Variants in MMP15 observed in about 807,000 individuals in gnomAD.
The protein encoded by MMP15 is matrix metallopeptidase 15, also known as matrix metalloproteinase-15.
Under a neutral mutation model 65.0 loss-of-function variants are expected in MMP15, and 36 were observed. That is an observed-to-expected ratio of 0.55 (90% CI 0.42 to 0.73). The LOEUF is 0.73. MMP15 is among the 30% of genes least tolerant of loss of function. The pLI is 0.00. For missense variants in MMP15, 870 were observed against 987.8 expected, an observed-to-expected ratio of 0.88 and a Z score of 1.60; for synonymous variants, 428 against 410.2, an observed-to-expected ratio of 1.04 and a Z score of -0.52.
At chr16:58,037,437 C>G (rs746363724) in intron 1 of MMP15, 35 bp from the exon 2 acceptor site, 87 of 1,607,724 alleles carry the variant, frequency 5.4e-5, no homozygotes, top group Admixed American at 2.7e-4. Context: ...GTAGCAGTGC[C>G]AGGACCTGCT....
Position 58,038,309 on chromosome 16 carries a change from G to T in MMP15, c.355G>T (p.Val119Leu). 6.2e-7 allele frequency: 1 copy of T among 1,614,074 alleles called. No individual in the cohort carries two copies. The highest frequency in any genetic ancestry group is 1.1e-5 in the South Asian group (1 of 91,092). The change falls in exon 3 of 10, where the codon GTA (valine) becomes TTA (leucine). Residue 119 changes from valine (V) to leucine (L), a missense_variant. Val to Leu is a conservative substitution (Grantham distance 32). Coordinates refer to ENST00000219271, the MANE Select transcript of MMP15 (RefSeq NM_002428.4). ...CTGTGGGGTGCCAGACCAGTTCGGG[G>T]TACGAGTGAAAGCCAACCTGCGGCG... Reference protein sequence around the residue: ...PRCGVPDQFGVRVKANLRRRR... With the variant: ...PRCGVPDQFGLRVKANLRRRR...
chr16:58,041,085 GT>G (rs1457311009), intron 5 of MMP15, among the ~76,000 whole-genome samples: 3 of 152,328 alleles, frequency 2.0e-5, no homozygotes, highest in African/African-American at 7.2e-5. Context: ...AGTGCTGCTG[GT>G]TTGTCACTTC....
chr16:58,043,243 T>A lies in MMP15; in HGVS notation c.1337T>A (p.Leu446Gln), dbSNP rs1285772154. Residue 446 changes from leucine to glutamine, a missense_variant, in exon 8 of 10, where the codon CTG becomes CAG. Leu to Gln is a moderately radical substitution (Grantham distance 113). Coordinates refer to ENST00000219271, the MANE Select transcript of MMP15 (RefSeq NM_002428.4). Reference protein sequence around the residue: ...DRYWLFREANLEPGYPQPLTS... With the variant: ...DRYWLFREANQEPGYPQPLTS... The stretch of plus-strand genomic sequence containing the variant: ...TACTGGCTCTTTCGAGAAGCGAACC[T>A]GGAGCCCGGCTACCCACAGCCGCTG... The A allele has an allele frequency of 6.2e-6, 10 of 1,601,268 alleles. No homozygotes were observed. Among genetic ancestry groups the A allele is most frequent in the African/African-American group, 1.3e-5 (1 of 74,798 alleles).
chr16:58,032,013 G>A (rs770661223), intron 1 of MMP15, among the ~76,000 whole-genome samples: 21 of 151,740 alleles, frequency 1.4e-4, no homozygotes, highest in Non-Finnish European at 2.6e-4. Context: ...GACTACAGGC[G>A]CTGCCACCAC....
intron 3 of MMP15, among the ~76,000 whole-genome samples, chr16:58,039,298 G>A (rs1959399054): frequency 6.6e-6 from 1 of 152,236 alleles, no homozygotes. Flanking sequence ...CAGGTGTGGT[G>A]GTGCATGCCT....
chr16:58,038,210 C>T, intron 2 of MMP15, 56 bp from the exon 3 acceptor site: 7 of 1,593,804 alleles, frequency 4.4e-6, no homozygotes, highest in Non-Finnish European at 5.1e-6. Context: ...AGTGCCAGAA[C>T]AGGCAGGTGT....
Position 58,042,252 on chromosome 16 carries a change from C to T in MMP15, c.1186C>T (p.Arg396Trp), listed in dbSNP as rs776535024. 21 of 1,613,978 alleles carry T rather than the reference C, an allele frequency of 1.3e-5. No individual in the cohort carries two copies. The highest frequency in any genetic ancestry group is 4.0e-5 in the African/African-American group (3 of 74,952). ...VFKGRWFWRV[R>W]HNRVLDNYPM... Reference sequence around the variant, plus strand: ...CCAGGGCCGCTGGTTCTGGCGAGTCCGGCACAACCGCGTCCTGGACAACTA... The same window carrying T: ...CCAGGGCCGCTGGTTCTGGCGAGTCTGGCACAACCGCGTCCTGGACAACTA... The change falls in exon 7 of 10, where the codon CGG (arginine) becomes TGG (tryptophan). Residue 396 changes from arginine to tryptophan, a missense_variant. Physicochemically the swap from Arg to Trp is moderately radical, Grantham distance 101. Transcript: ENST00000219271.
At chr16:58,027,829 A>G (rs1409142186) in intron 1 of MMP15, among the ~76,000 whole-genome samples, 1 of 152,180 alleles carries the variant, frequency 6.6e-6, no homozygotes, top group Admixed American at 6.5e-5. Context: ...GGGAGGCAGG[A>G]TAGGAGCCCC....
At chr16:58,031,853 CTTTTTTTTTTTTTTTT>C (rs749779284) in intron 1 of MMP15, among the ~76,000 whole-genome samples, 31 of 57,750 alleles carry the variant, frequency 5.4e-4, no homozygotes, top group Non-Finnish European at 7.1e-4. Flanking sequence ...TCGATGCCGC[CTTTTTTTTTTTTTTTT>C]TTTTTTTTTT....
At chr16:58,041,203 T>G (rs1402751573) in intron 5 of MMP15, among the ~76,000 whole-genome samples, 1 of 152,130 alleles carries the variant, frequency 6.6e-6, no homozygotes, top group Non-Finnish European at 1.5e-5. Flanking sequence ...CTGCACTCTG[T>G]GCCCACACCG....
chr16:58,045,393 G>C lies in MMP15; in HGVS notation c.1957G>C (p.Gly653Arg). 1 of 1,579,732 alleles carries C rather than the reference G, an allele frequency of 6.3e-7. No homozygotes were observed. Among genetic ancestry groups the C allele is most frequent in the South Asian group, 1.2e-5 (1 of 86,386 alleles). ...CGCGCTGGTGCAGATGCAGCGCAAG[G>C]GTGCGCCACGTGTCCTGCTTTACTG... Reference protein sequence around the residue: ...TYALVQMQRKGAPRVLLYCKR... With the variant: ...TYALVQMQRKRAPRVLLYCKR... The change falls in exon 10 of 10, where the codon GGT becomes CGT. Residue 653 changes from glycine to arginine, a missense_variant. Transcript: ENST00000219271.
rs973670067 is a variant in MMP15 at position 58,026,085 on chromosome 16, G to C, written c.-266G>C. 2 of 355,216 alleles carry C rather than the reference G, an allele frequency of 5.6e-6. No individual in the cohort carries two copies. Among genetic ancestry groups the C allele is most frequent in the Non-Finnish European group, 1.0e-5 (2 of 199,246 alleles). 22.0% of individuals were successfully genotyped at this position (355,216 alleles called of 1,614,324 possible). ...TCTCGGGAGCCGGGCCCCAGGCGCT[G>C]GGCGCCGAGGCTGCGGAACCTCGCC... On this transcript the variant is annotated 5_prime_UTR_variant, in exon 1 of 10. Transcript: ENST00000219271.
At chr16:58,034,142 T>G (rs1233292459) in intron 1 of MMP15, among the ~76,000 whole-genome samples, 2 of 152,264 alleles carry the variant, frequency 1.3e-5, no homozygotes, top group Admixed American at 6.5e-5. Flanking sequence ...TTCACCCGCT[T>G]GGCTCACCCC....
intron 1 of MMP15, among the ~76,000 whole-genome samples, chr16:58,027,065 A>G (rs1322649085): frequency 6.6e-6 from 1 of 152,196 alleles, no homozygotes; most frequent in Admixed American, 6.5e-5. Context: ...CAAACGGCTG[A>G]GGCAGCGGAC....
intron 1 of MMP15, among the ~76,000 whole-genome samples, chr16:58,030,081 C>T (rs937593595): frequency 3.3e-5 from 5 of 152,146 alleles, no homozygotes; most frequent in Non-Finnish European, 5.9e-5. Flanking sequence ...TGGGTATCCT[C>T]CATATCATCC....
rs1301985414 is a variant in MMP15, at chr16:58,045,869, G to C, written c.*423G>C. The C allele has an allele frequency of 5.5e-6, 1 of 182,016 alleles. No homozygotes were observed. Among genetic ancestry groups the C allele is most frequent in the African/African-American group, 2.4e-5 (1 of 41,922 alleles). 11.3% of individuals were successfully genotyped at this position (182,016 alleles called of 1,614,324 possible). A position where few individuals can be genotyped will look rare whatever the true frequency, so the allele number is the denominator to read the frequency against. ...CCCTGGTCCCCTCCTTCCCAAGTGA[G>C]TCTCTCTGGGCCTTAGGAAGAGCCT... On this transcript the variant is annotated 3_prime_UTR_variant, in exon 10 of 10. Transcript: ENST00000219271.
chr16:58,026,153 G>C lies in MMP15; in HGVS notation c.-198G>C. ...GCCCCCTTTCCCGCCGGCTGGTTCCGAGCTCCCGGACCTGCCCTGCCCGCT... is the reference window on the plus strand; with the variant it reads ...GCCCCCTTTCCCGCCGGCTGGTTCCCAGCTCCCGGACCTGCCCTGCCCGCT... On this transcript the variant is annotated 5_prime_UTR_variant, in exon 1 of 10. Transcript: ENST00000219271. 1 of 504,834 alleles carries C rather than the reference G, an allele frequency of 2.0e-6. No homozygotes were observed. 31.3% of individuals were successfully genotyped at this position (504,834 alleles called of 1,614,324 possible).
In MMP15 at chr16:58,039,966, G is replaced by T. The variant is rs766715771; in HGVS notation, c.532G>T (p.Val178Phe). ...FRVWEQATPL[V>F]FQEVPYEDIR... ...CGTGTGGGAGCAGGCCACGCCCCTGGTCTTCCAGGAGGTGCCCTATGAGGA... is the reference window on the plus strand; with the variant it reads ...CGTGTGGGAGCAGGCCACGCCCCTGTTCTTCCAGGAGGTGCCCTATGAGGA... Residue 178 changes from valine to phenylalanine, a missense_variant, in exon 4 of 10, where the codon GTC becomes TTC. By Grantham distance (50) the Val-to-Phe change is conservative (BLOSUM62 -1). Transcript: ENST00000219271. 1.9e-6 allele frequency: 3 copies of T among 1,613,942 alleles called. No homozygotes were observed. In the Admixed American group the frequency reaches 5.0e-5, roughly 27 times the overall value.
rs771119989 is a variant in MMP15 at position 58,042,155 on chromosome 16, G to A, written c.1165-76G>A. 13 of 1,539,250 alleles carry A rather than the reference G, an allele frequency of 8.4e-6. No individual in the cohort carries two copies. The Admixed American group carries it at 1.7e-4, about 20-fold the overall frequency. ...CTTGGGCCCACCCTCACCTGGGAAG[G>A]GGTGGTTTGAGGATGGCACCTCTCC... is the stretch of plus-strand genomic sequence containing the variant. On this transcript the variant is annotated intron_variant, in intron 6 of 9. Coordinates refer to ENST00000219271, the MANE Select transcript of MMP15 (RefSeq NM_002428.4).
Sources: allele counts gnomAD v4.1 joint callset (sites outside exome capture counted in the v4.1 genomes callset), GRCh38; gene constraint gnomAD v4.1.1; transcripts MANE v1.5; gene names NCBI Gene and HGNC (gene_info 2026-07-23, HGNC 2026-07-21).